MEI1: variants seen among roughly 807,000 people sequenced by gnomAD.
MEI1 encodes meiotic double-stranded break formation protein 1.
A neutral mutation model predicts 146.2 loss-of-function variants in MEI1; 103 were observed. The ratio of observed to expected loss-of-function variants is 0.70; its 90% CI spans 0.60 to 0.83. MEI1 has a LOEUF of 0.83. MEI1 is among the 40% of genes least tolerant of loss of function. The pLI is 0.00. For missense variants in MEI1, 1,529 were observed against 1,533.0 expected, an observed-to-expected ratio of 1.00 and a Z score of 0.04; for synonymous variants, 652 against 628.2, an observed-to-expected ratio of 1.04 and a Z score of -0.57.
In MEI1 at chr22:41,795,805, C is replaced by T; in HGVS notation, c.3737C>T (p.Pro1246Leu). ...CTGCAGGCCTCCTTGGAGGGCCTTC[C>T]CCCTAGCACCTCCTCAGGCCAGCCA... The part of the protein sequence containing the change: ...QTLQASLEGL[P>L]PSTSSGQPPL... Residue 1246 changes from proline (P) to leucine (L), a missense_variant, in exon 30 of 31, where the codon CCC becomes CTC. Pro to Leu is a moderately conservative substitution (Grantham distance 98). Coordinates refer to ENST00000401548, the MANE Select transcript of MEI1 (RefSeq NM_152513.4). This position sits in a 1 kb window ranked among gnomAD's most constrained non-coding sequence, Gnocchi z 4.2. 1 of 1,613,682 alleles carries T rather than the reference C, an allele frequency of 6.2e-7. No homozygotes were observed. Among genetic ancestry groups the T allele is most frequent in the East Asian group, 2.2e-5 (1 of 44,848 alleles).
At chr22:41,745,322 G>A (rs560170718) in intron 13 of MEI1, among the ~76,000 whole-genome samples, 12 of 152,156 alleles carry the variant, frequency 7.9e-5, no homozygotes, top group Admixed American at 3.9e-4. Context: ...ATTCACCTTC[G>A]TTCCCCACCA....
In MEI1 at chr22:41,784,680, C is replaced by A; in HGVS notation, c.3242C>A (p.Ser1081Ter). Residue 1081 changes from serine to a stop codon, truncating the protein, a stop_gained, in exon 26 of 31, where the codon TCA (serine) becomes TAA (stop). Transcript: ENST00000401548. LOFTEE classifies it high-confidence loss of function. ...FSSALVALVP[S>*]GAQPLPATKD... ...TCTGCCCTGGTAGCCCTGGTGCCCT[C>A]AGGGGCCCAGCCACTGCCAGCCACC... 6.2e-7 allele frequency: 1 copy of A among 1,613,562 alleles called. No homozygotes were observed. Among genetic ancestry groups the A allele is most frequent in the Non-Finnish European group, 8.5e-7 (1 of 1,179,840 alleles).
At chr22:41,712,514 C>T (rs1483644748) in intron 3 of MEI1, among the ~76,000 whole-genome samples, 1 of 151,850 alleles carries the variant, frequency 6.6e-6, no homozygotes, top group South Asian at 2.1e-4. Context: ...GGATTACAGG[C>T]GTGAGCCACT....
intron 16 of MEI1, among the ~76,000 whole-genome samples, chr22:41,753,272 G>C (rs1178565600): frequency 2.0e-5 from 3 of 151,974 alleles, no homozygotes; most frequent in Admixed American, 1.3e-4. Flanking sequence ...AGAGTGCTGG[G>C]ATTACAGGCG....
In MEI1 at chr22:41,723,837, G is replaced by C. The variant is rs148310068; in HGVS notation, c.734-106G>C. The C allele has an allele frequency of 9.9e-4, 1,309 of 1,328,488 alleles. 15 individuals carry two copies. The African/African-American group carries it at 0.015, about 15-fold the overall frequency. 82.3% of individuals were successfully genotyped at this position (1,328,488 alleles called of 1,614,324 possible). On this transcript the variant is annotated intron_variant, in intron 6 of 30. Coordinates refer to ENST00000401548, the MANE Select transcript of MEI1 (RefSeq NM_152513.4). ...AGGATTCTAACCATTCTTCATATTT[G>C]TAGAGGGATGAAGAAGTTTCTCTGG...
Position 41,732,315 on chromosome 22 carries a change from C to T in MEI1, c.1167C>T (p.Gly389=), listed in dbSNP as rs1569203096. The change falls in exon 10 of 31, where the codon GGC becomes GGT. Residue 389 remains glycine (G), a synonymous_variant. Transcript: ENST00000401548. ...KMNNIELHKQ[G]LLLFAEILTR... The stretch of plus-strand genomic sequence containing the variant: ...ACAACATAGAGCTGCACAAGCAGGG[C>T]CTGCTGCTTTTCGCTGAAATCCTGA... 1.2e-6 allele frequency: 2 copies of T among 1,612,610 alleles called. No homozygotes were observed. The highest frequency in any genetic ancestry group is 1.7e-6 in the Non-Finnish European group (2 of 1,179,378).
Position 41,752,651 on chromosome 22 carries a change from G to T in MEI1, c.1853G>T (p.Ser618Ile). Residue 618 changes from serine to isoleucine, a missense_variant and splice_region_variant, in exon 16 of 31, where the codon AGT becomes ATT. Transcript: ENST00000401548. ...AAGGCCAGGTTTTGCAGTGGTCTGA[G>T]GTATGTGTGGTCCCAGGCAAGATTG... The part of the protein sequence containing the change: ...ELKARFCSGL[S>I]HSALNQVCSN... 6.3e-7 allele frequency: 1 copy of T among 1,592,070 alleles called. No individual in the cohort carries two copies.
At chr22:41,752,353 C>CT (rs1281567277) in intron 15 of MEI1, 1 of 510,200 alleles carries the variant, frequency 2.0e-6, no homozygotes, top group East Asian at 3.2e-5. Flanking sequence ...GTTAGATGTT[C>CT]TCCATACATT....
intron 11 of MEI1, among the ~76,000 whole-genome samples, chr22:41,738,109 G>A (rs970729642): frequency 1.3e-5 from 2 of 151,050 alleles, no homozygotes; most frequent in African/African-American, 4.9e-5. Flanking sequence ...GAGGCTAAGC[G>A]TTTGAGACTA....
In MEI1 at chr22:41,780,576, C is replaced by CTTT. The variant is rs150215660; in HGVS notation, c.2816-706_2816-704dup. Among the ~76,000 whole-genome samples the CTTT allele has an allele frequency of 7.7e-4, 93 of 121,480 alleles. 4 individuals are homozygous for CTTT. The highest frequency in any genetic ancestry group is 2.2e-3 in the African/African-American group (77 of 34,284). The allele number at this position is 121,480 out of a possible 152,430, so 79.7% of individuals were successfully genotyped here. ...GATGAACTTTGAGCTGAATTTTTTTCTTTTCTTTTTTTTTTTTTTTTTGAG... is the reference window on the plus strand; with the variant it reads ...GATGAACTTTGAGCTGAATTTTTTTCTTTTTTTCTTTTTTTTTTTTTTTTTGAG... On this transcript the variant is annotated intron_variant, in intron 22 of 30. Transcript: ENST00000401548.
At chr22:41,750,304 A>G (rs546569799) in intron 15 of MEI1, among the ~76,000 whole-genome samples, 47 of 152,344 alleles carry the variant, frequency 3.1e-4, no homozygotes, top group African/African-American at 1.1e-3. Flanking sequence ...GTACGATATT[A>G]AGGAAGCCAA....
chr22:41,784,618 A>C lies in MEI1; in HGVS notation c.3180A>C (p.Leu1060Phe). 1 of 1,612,406 alleles carries C rather than the reference A, an allele frequency of 6.2e-7. No homozygotes were observed. The highest frequency in any genetic ancestry group is 8.5e-7 in the Non-Finnish European group (1 of 1,179,770). ...ATCTCCTGCTTCCAGCTGCCATCTT[A>C]TGCTTCCTGCGGACAGCCCTGCGAC... ...KKAALLSAAI[L>F]CFLRTALRQS... is the part of the protein sequence containing the mutation. The change falls in exon 26 of 31, where the codon TTA (leucine) becomes TTC (phenylalanine). Residue 1060 changes from leucine to phenylalanine, a missense_variant. Leu to Phe is a conservative substitution (Grantham distance 22). This residue lies in a region of MEI1 where 313 missense variants were observed against 337.3 expected (regional missense o/e 0.93). Transcript: ENST00000401548.
chr22:41,798,610 T>C, intron 30 of MEI1, among the ~76,000 whole-genome samples: 1 of 151,312 alleles, frequency 6.6e-6, no homozygotes, highest in East Asian at 1.9e-4. Flanking sequence ...CCGGGCGCAG[T>C]GGCTCACACT....
intron 6 of MEI1, among the ~76,000 whole-genome samples, chr22:41,719,133 C>T (rs1448730313): frequency 6.6e-6 from 1 of 152,006 alleles, no homozygotes; most frequent in Non-Finnish European, 1.5e-5. Context: ...CAGGCGCCTG[C>T]CACCATGCCC....
At position 41,699,619 on chromosome 22, in the gene MEI1, C is replaced by T. The variant is rs1415468218; in HGVS notation, c.81C>T (p.Ala27=). Reference sequence around the variant, plus strand: ...AGGCGGCGCTTCTATTCGAGAGGGCCCATTACCGGCACGACCCGCGCTGGC... The same window carrying T: ...AGGCGGCGCTTCTATTCGAGAGGGCTCATTACCGGCACGACCCGCGCTGGC... The part of the protein sequence containing the change: ...EEEAALLFER[A]HYRHDPRWLL... The change falls in exon 1 of 31, where the codon GCC becomes GCT. Residue 27 remains alanine, a synonymous_variant. Transcript: ENST00000401548. 1.2e-6 allele frequency: 2 copies of T among 1,611,688 alleles called. No individual in the cohort carries two copies. The highest frequency in any genetic ancestry group is 1.7e-6 in the Non-Finnish European group (2 of 1,179,122).
intron 3 of MEI1, among the ~76,000 whole-genome samples, chr22:41,710,517 A>T (rs1018529119): frequency 2.0e-5 from 3 of 152,170 alleles, no homozygotes; most frequent in South Asian, 2.1e-4. Flanking sequence ...GGAAGATAGA[A>T]CCCTATCCTT....
rs2071098983 is a variant in MEI1 at position 41,724,059 on chromosome 22, T to G, written c.850T>G (p.Leu284Val). The G allele has an allele frequency of 2.5e-6, 4 of 1,613,902 alleles. No individual in the cohort carries two copies. The highest frequency in any genetic ancestry group is 3.4e-6 in the Non-Finnish European group (4 of 1,179,830). Residue 284 changes from leucine to valine, a missense_variant, in exon 7 of 31, where the codon TTG becomes GTG. By Grantham distance (32) the Leu-to-Val change is conservative. This residue lies in a region of MEI1 where 1,212 missense variants were observed against 1,178.9 expected (regional missense o/e 1.03). Transcript: ENST00000401548. ...GTCATCAGGAAATACCTCACTGCCT[T>G]TGGTGCTCAAAAAGGTAGTTGTCTT... ...EGSSGNTSLP[L>V]VLKKLLLSRD... is the part of the protein sequence containing the mutation.
chr22:41,781,409 G>A lies in MEI1; in HGVS notation c.2926+15G>A, dbSNP rs543871667. On this transcript the variant is annotated intron_variant, in intron 23 of 30. Transcript: ENST00000401548. ...TCAGAAAAGAGGTGCAGGGGCCCGG[G>A]CTGGGACAGTGAAGAGTGCTGGGCA... 180 of 1,592,556 alleles carry A rather than the reference G, an allele frequency of 1.1e-4. 1 individual carries two copies. The Middle Eastern group carries it at 1.7e-3, about 15-fold the overall frequency.
intron 19 of MEI1, 111 bp downstream of exon 19, chr22:41,763,432 C>CA: frequency 8.1e-7 from 1 of 1,241,290 alleles, no homozygotes; most frequent in Admixed American, 2.1e-5. Flanking sequence ...TAGAGAGAGA[C>CA]AAAGCGGAGG....
Sources: allele counts gnomAD v4.1 joint callset (sites outside exome capture counted in the v4.1 genomes callset), GRCh38; gene constraint gnomAD v4.1.1; regional missense constraint gnomAD v4.1.1; non-coding constraint Gnocchi (gnomAD v3.1); transcripts MANE v1.5; gene names NCBI Gene and HGNC (gene_info 2026-07-23, HGNC 2026-07-21).